FAM171B: variants seen among roughly 807,000 people sequenced by gnomAD.
The protein encoded by FAM171B is protein FAM171B.
FAM171B carries 19 observed loss-of-function variants against 75.6 expected under a neutral mutation model. That is an observed-to-expected ratio of 0.25 (90% CI 0.18 to 0.37). The LOEUF (loss-of-function observed/expected upper bound fraction) is 0.37, where lower values mean the gene tolerates loss of function less well. FAM171B is among the 10% of genes least tolerant of loss of function. FAM171B has a pLI of 1.00. For synonymous variants in FAM171B, 367 were observed against 361.7 expected (o/e 1.01, Z -0.17); for missense variants, 848 against 982.4 (o/e 0.86, Z 1.83).
chr2:186,725,442 C>G (rs984928097), intron 1 of FAM171B, among the ~76,000 whole-genome samples: 3 of 151,982 alleles, frequency 2.0e-5, no homozygotes, highest in South Asian at 2.1e-4. Context: ...TGTGCTGTTT[C>G]GATTCAAAGG....
intron 1 of FAM171B, among the ~76,000 whole-genome samples, chr2:186,728,615 T>C (rs2105781511): frequency 6.6e-6 from 1 of 152,392 alleles, no homozygotes; most frequent in South Asian, 2.1e-4. Context: ...CATTAAAATA[T>C]TGTTTTAAAA....
chr2:186,736,862 G>C (rs1690210454), intron 1 of FAM171B, among the ~76,000 whole-genome samples: 1 of 152,024 alleles, frequency 6.6e-6, no homozygotes, highest in East Asian at 1.9e-4. Context: ...TATCTGATTT[G>C]CTGTTCTTGA....
At chr2:186,754,247 T>C (rs759723154) in intron 6 of FAM171B, among the ~76,000 whole-genome samples, 198 bp downstream of exon 6, 2 of 152,212 alleles carry the variant, frequency 1.3e-5, no homozygotes, top group Non-Finnish European at 2.9e-5. Flanking sequence ...CTTATAGTTA[T>C]ATCTGATGAA....
At chr2:186,724,766 C>A (rs886867082) in intron 1 of FAM171B, among the ~76,000 whole-genome samples, 1 of 152,012 alleles carries the variant, frequency 6.6e-6, no homozygotes, top group Non-Finnish European at 1.5e-5. Context: ...GAGGTGAGAG[C>A]GTGCCTGGAG....
chr2:186,741,722 C>T (rs1690290921), intron 2 of FAM171B, among the ~76,000 whole-genome samples: 1 of 152,088 alleles, frequency 6.6e-6, no homozygotes, highest in African/African-American at 2.4e-5. Context: ...GAAGTACAAA[C>T]TGGCAAAATT....
intron 1 of FAM171B, among the ~76,000 whole-genome samples, chr2:186,711,176 CA>C (rs1689804952): frequency 6.6e-6 from 1 of 152,104 alleles, no homozygotes; most frequent in African/African-American, 2.4e-5. Flanking sequence ...TTTATTTGTG[CA>C]AATAGCATAC....
At chr2:186,718,258 T>C (rs1427808715) in intron 1 of FAM171B, among the ~76,000 whole-genome samples, 3 of 152,208 alleles carry the variant, frequency 2.0e-5, no homozygotes, top group Non-Finnish European at 4.4e-5. Flanking sequence ...AAAGGTCTTG[T>C]CACACACGGC....
intron 6 of FAM171B, among the ~76,000 whole-genome samples, chr2:186,754,326 G>T (rs1690498735): frequency 6.6e-6 from 1 of 152,084 alleles, no homozygotes; most frequent in African/African-American, 2.4e-5. Flanking sequence ...AATAAATTCT[G>T]CCCAAATCAG....
rs533337929 is a variant in FAM171B at position 186,761,087 on chromosome 2, C to G, written c.1013-26C>G. On this transcript the variant is annotated intron_variant, in intron 6 of 7. Transcript: ENST00000304698. Reference sequence around the variant, plus strand: ...AGAATTTGATCTAAAATAACATTTTCTCTTTGTTTATATTGAACCATGTAG... The same window carrying G: ...AGAATTTGATCTAAAATAACATTTTGTCTTTGTTTATATTGAACCATGTAG... 5.1e-6 allele frequency: 8 copies of G among 1,582,278 alleles called. 1 individual carries two copies. In the South Asian group the frequency reaches 8.2e-5, roughly 16 times the overall value.
At chr2:186,718,861 T>A (rs1689910110) in intron 1 of FAM171B, among the ~76,000 whole-genome samples, 1 of 152,266 alleles carries the variant, frequency 6.6e-6, no homozygotes, top group African/African-American at 2.4e-5. Context: ...TTGTGTCATA[T>A]CTGCTTTTTC....
At chr2:186,723,822 A>G (rs1559085055) in intron 1 of FAM171B, among the ~76,000 whole-genome samples, 2 of 152,218 alleles carry the variant, frequency 1.3e-5, no homozygotes, top group Non-Finnish European at 2.9e-5. Context: ...ACCTCATTTC[A>G]CACATTTGCA....
At chr2:186,737,935 C>T (rs918438789) in intron 1 of FAM171B, among the ~76,000 whole-genome samples, 3 of 152,324 alleles carry the variant, frequency 2.0e-5, no homozygotes, top group East Asian at 1.9e-4. Context: ...AGGCTGTGCT[C>T]GGCTCGCGCC....
In FAM171B at chr2:186,751,175, G is replaced by A; in HGVS notation, c.766G>A (p.Val256Met). The A allele has an allele frequency of 1.2e-6, 2 of 1,610,094 alleles. No individual in the cohort carries two copies. Among genetic ancestry groups the A allele is most frequent in the Non-Finnish European group, 1.7e-6 (2 of 1,177,570 alleles). Residue 256 changes from valine to methionine, a missense_variant, in exon 5 of 8, where the codon GTG becomes ATG. Around this residue, in one of 3 missense-constraint regions of FAM171B, gnomAD observed 665 missense variants for 729.0 expected, o/e 0.91. Coordinates refer to ENST00000304698, the MANE Select transcript of FAM171B (RefSeq NM_177454.4). ...IELTPLAAIC[V>M]KIYSGGKELK... ...ATTGACTCCTCTTGCTGCAATATGTGTGAAAATATATTCTGGAGGAAAAGA... is the reference window on the plus strand; with the variant it reads ...ATTGACTCCTCTTGCTGCAATATGTATGAAAATATATTCTGGAGGAAAAGA...
intron 1 of FAM171B, among the ~76,000 whole-genome samples, chr2:186,704,638 G>A (rs1689710032): frequency 6.6e-6 from 1 of 152,150 alleles, no homozygotes. Context: ...TTCCTTCATA[G>A]CAAGTTTGAT....
At chr2:186,750,147 A>G (rs1457945641) in intron 4 of FAM171B, among the ~76,000 whole-genome samples, 2 of 152,172 alleles carry the variant, frequency 1.3e-5, no homozygotes, top group African/African-American at 4.8e-5. Context: ...CAAATAGATA[A>G]AAAGTATACT....
At chr2:186,717,818 A>G (rs1019930687) in intron 1 of FAM171B, among the ~76,000 whole-genome samples, 3 of 152,098 alleles carry the variant, frequency 2.0e-5, no homozygotes, top group Non-Finnish European at 2.9e-5. Context: ...CACATGACTT[A>G]TTAATGCAAG....
intron 3 of FAM171B, among the ~76,000 whole-genome samples, chr2:186,744,895 A>G (rs2105787599): frequency 6.7e-6 from 1 of 149,860 alleles, no homozygotes; most frequent in Admixed American, 6.6e-5. Context: ...CAGTGGTGCA[A>G]TCTCGGCTCA....
chr2:186,733,664 G>T (rs1386309076), intron 1 of FAM171B, among the ~76,000 whole-genome samples: 1 of 152,174 alleles, frequency 6.6e-6, no homozygotes. Flanking sequence ...GTGAGTGGGG[G>T]GTGTGTGAAT....
chr2:186,706,515 C>G (rs1230620858), intron 1 of FAM171B, among the ~76,000 whole-genome samples: 1 of 152,218 alleles, frequency 6.6e-6, no homozygotes, highest in African/African-American at 2.4e-5. Flanking sequence ...ATTTATCTTT[C>G]ACTTGGAAAT....
Sources: gnomAD v4.1 joint callset for allele counts (sites outside exome capture counted in the v4.1 genomes callset) on GRCh38, gnomAD v4.1.1 for gene constraint, gnomAD v4.1.1 regional missense constraint, MANE v1.5 for transcripts, NCBI Gene and HGNC (gene_info 2026-07-23, HGNC 2026-07-21) for gene names.